DPYSL2: variants seen among roughly 807,000 people sequenced by gnomAD.
DPYSL2 encodes dihydropyrimidinase-related protein 2.
Under a neutral mutation model 69.9 loss-of-function variants are expected in DPYSL2, and 13 were observed. The observed-to-expected ratio is 0.19, with a 90% CI of 0.12 to 0.30. The LOEUF (loss-of-function observed/expected upper bound fraction) is 0.30, where lower values mean the gene tolerates loss of function less well. Among genes scored for constraint, DPYSL2 ranks in the 10% least tolerant of loss-of-function variants. DPYSL2 has a pLI of 1.00. For synonymous variants in DPYSL2, 326 were observed against 359.1 expected (o/e 0.91, Z 1.04); for missense variants, 587 against 918.9 (o/e 0.64, Z 4.67).
Position 26,627,727 on chromosome 8 carries a change from C to T in DPYSL2, c.937-145C>T. 1 of 788,264 alleles carries T rather than the reference C, an allele frequency of 1.3e-6. No individual in the cohort carries two copies. The highest frequency in any genetic ancestry group is 2.1e-6 in the Non-Finnish European group (1 of 480,602). The allele number at this position is 788,264 out of a possible 1,614,324, so 48.8% of individuals were successfully genotyped here. ...TGGGAACAGGGCAGTGAACCCTTCT[C>T]TTCATGAGGTCTTGGGATGAGGGCA... is the stretch of plus-strand genomic sequence containing the variant. On this transcript the variant is annotated intron_variant, in intron 6 of 13. Transcript: ENST00000521913. This position sits in a 1 kb window ranked among gnomAD's most constrained non-coding sequence, Gnocchi z 6.9.
chr8:26,608,318 G>A (rs1802152638), intron 3 of DPYSL2, among the ~76,000 whole-genome samples: 1 of 152,094 alleles, frequency 6.6e-6, no homozygotes, highest in African/African-American at 2.4e-5. Context: ...GACTTTTTTT[G>A]GATGATTGGA....
rs1808284335 is a variant in DPYSL2, at chr8:26,516,166, AG to A, written c.354+1490del. The stretch of plus-strand genomic sequence containing the variant: ...CCCTGCCCTCTAATTTATTCATATA[AG>A]GGAGTGTCTCATATCCATATTTCAC... On this transcript the variant is annotated intron_variant, in intron 1 of 13. Coordinates refer to ENST00000521913, the MANE Select transcript of DPYSL2 (RefSeq NM_001197293.3). This position sits in a 1 kb window ranked among gnomAD's most constrained non-coding sequence, Gnocchi z 4.8. Among the ~76,000 whole-genome samples, 1 of 152,258 alleles carries A rather than the reference AG, an allele frequency of 6.6e-6. No individual in the cohort carries two copies. Among genetic ancestry groups the A allele is most frequent in the East Asian group, 1.9e-4 (1 of 5,202 alleles).
chr8:26,626,765 G>A lies in DPYSL2; in HGVS notation c.855+87G>A. On this transcript the variant is annotated intron_variant, in intron 5 of 13. Coordinates refer to ENST00000521913, the MANE Select transcript of DPYSL2 (RefSeq NM_001197293.3). This position sits in a 1 kb window ranked among gnomAD's most constrained non-coding sequence, Gnocchi z 4.3. ...TTTGGGAAAGCAGTCTCCGATGTAT[G>A]CATGTTTCCTAGCTTCCTGGGAAGT... 1 of 1,364,664 alleles carries A rather than the reference G, an allele frequency of 7.3e-7. No individual in the cohort carries two copies. Among genetic ancestry groups the A allele is most frequent in the Non-Finnish European group, 1.0e-6 (1 of 968,032 alleles). 84.5% of individuals were successfully genotyped at this position (1,364,664 alleles called of 1,614,324 possible). A position where few individuals can be genotyped will look rare whatever the true frequency, so the allele number is the denominator to read the frequency against.
At chr8:26,589,060 T>G (rs1182291697) in intron 3 of DPYSL2, among the ~76,000 whole-genome samples, 2 of 152,212 alleles carry the variant, frequency 1.3e-5, no homozygotes, top group East Asian at 1.9e-4. Context: ...TGCCGCCTTC[T>G]TCCTCTGAAG....
At position 26,533,755 on chromosome 8, in the gene DPYSL2, G is replaced by A. The variant is rs1800547906; in HGVS notation, c.354+19076G>A. Among the ~76,000 whole-genome samples, 1 of 152,264 alleles carries A rather than the reference G, an allele frequency of 6.6e-6. No homozygotes were observed. Among genetic ancestry groups the A allele is most frequent in the Non-Finnish European group, 1.5e-5 (1 of 68,048 alleles). ...GCTGTCAAATGTTCTCAGGTGAAGA[G>A]GTTGAGAGGACTCCTGGAGATCCCA... is the stretch of plus-strand genomic sequence containing the variant. On this transcript the variant is annotated intron_variant, in intron 1 of 13. Coordinates refer to ENST00000521913, the MANE Select transcript of DPYSL2 (RefSeq NM_001197293.3). The surrounding 1 kb of genome is among the most constrained non-coding windows in gnomAD (Gnocchi z 4.8).
At chr8:26,625,068 G>A (rs1419613706) in intron 4 of DPYSL2, among the ~76,000 whole-genome samples, 1 of 152,164 alleles carries the variant, frequency 6.6e-6, no homozygotes, top group African/African-American at 2.4e-5. Context: ...ACCATGTGCT[G>A]TGAGTGACAT....
chr8:26,624,370 G>A lies in DPYSL2; in HGVS notation c.793+63G>A, dbSNP rs1003515900. The A allele has an allele frequency of 1.2e-5, 19 of 1,566,182 alleles. No individual in the cohort carries two copies. Among genetic ancestry groups the A allele is most frequent in the African/African-American group, 2.7e-5 (2 of 73,910 alleles). The stretch of plus-strand genomic sequence containing the variant: ...CCGCTTCAGTCCATCAACTGGCACA[G>A]CCCTGGGAAGAAAGTGATAATGCTT... On this transcript the variant is annotated intron_variant, in intron 4 of 13. Transcript: ENST00000521913. This position sits in a 1 kb window ranked among gnomAD's most constrained non-coding sequence, Gnocchi z 4.7.
rs934924271 is a variant in DPYSL2 at position 26,627,262 on chromosome 8, A to G, written c.903A>G (p.Gln301=). The G allele has an allele frequency of 6.2e-7, 1 of 1,614,246 alleles. No homozygotes were observed. The highest frequency in any genetic ancestry group is 8.5e-7 in the Non-Finnish European group (1 of 1,180,042). The change falls in exon 6 of 14, where the codon CAA becomes CAG. Residue 301 remains glutamine, a synonymous_variant. Coordinates refer to ENST00000521913, the MANE Select transcript of DPYSL2 (RefSeq NM_001197293.3). The surrounding 1 kb of genome is among the most constrained non-coding windows in gnomAD (Gnocchi z 6.9). ...TCCGGGATATTGGCGCCATAGCCCA[A>G]GTCCACGCAGAAAATGGCGACATCA... ...SVIRDIGAIA[Q]VHAENGDIIA...
chr8:26,639,555 A>G (rs148618714), intron 8 of DPYSL2, among the ~76,000 whole-genome samples: 1 of 152,366 alleles, frequency 6.6e-6, no homozygotes, highest in Non-Finnish European at 1.5e-5. Context: ...ATAAGGGCAG[A>G]CATAGAAACT....
intron 3 of DPYSL2, among the ~76,000 whole-genome samples, chr8:26,618,823 T>C (rs886662165): frequency 6.7e-5 from 10 of 148,808 alleles, no homozygotes; most frequent in African/African-American, 2.0e-4. Context: ...CCGGGCATGA[T>C]GGCGCGCGCC....
Position 26,653,141 on chromosome 8 carries a change from T to C in DPYSL2, c.1777-91T>C, listed in dbSNP as rs1803311983. On this transcript the variant is annotated intron_variant, in intron 12 of 13. Coordinates refer to ENST00000521913, the MANE Select transcript of DPYSL2 (RefSeq NM_001197293.3). The surrounding 1 kb of genome is among the most constrained non-coding windows in gnomAD (Gnocchi z 5.7). ...GTAAGGAGAGCCCTCCATCCCTAGA[T>C]CTCACAGGCCCATCCTCCCTCCAGG... 6.8e-6 allele frequency: 10 copies of C among 1,461,306 alleles called. No individual in the cohort carries two copies. The highest frequency in any genetic ancestry group is 9.3e-6 in the Non-Finnish European group (10 of 1,078,250). The allele number at this position is 1,461,306 out of a possible 1,614,324, so 90.5% of individuals were successfully genotyped here.
chr8:26,514,354 C>T lies in DPYSL2; in HGVS notation c.29C>T (p.Ala10Val), dbSNP rs1260358141. 8 of 1,479,644 alleles carry T rather than the reference C, an allele frequency of 5.4e-6. No homozygotes were observed. The highest frequency in any genetic ancestry group is 1.4e-5 in the African/African-American group (1 of 69,828). 91.7% of individuals were successfully genotyped at this position (1,479,644 alleles called of 1,614,324 possible). MAERKQSGK[A>V]AEDEEVPAFF... ...GCCGAGAGAAAGCAATCCGGGAAGG[C>T]GGCAGAGGACGAAGAGGTCCCTGCT... The change falls in exon 1 of 14, where the codon GCG (alanine) becomes GTG (valine). Residue 10 changes from alanine to valine, a missense_variant. Ala to Val is a moderately conservative substitution (Grantham distance 64, BLOSUM62 0). This residue lies in a region of DPYSL2 where 50 missense variants were observed against 86.8 expected (regional missense o/e 0.58). Transcript: ENST00000521913. The surrounding 1 kb of genome is among the most constrained non-coding windows in gnomAD (Gnocchi z 8.4).
At chr8:26,577,824 A>G in intron 1 of DPYSL2, 2 of 1,001,004 alleles carry the variant, frequency 2.0e-6, no homozygotes, top group South Asian at 8.3e-5. Context: ...CTAAATTTGC[A>G]TATCCCAGGA....
intron 1 of DPYSL2, among the ~76,000 whole-genome samples, chr8:26,529,724 C>T (rs1385930562): frequency 7.6e-6 from 1 of 131,106 alleles, no homozygotes; most frequent in Non-Finnish European, 1.6e-5. Flanking sequence ...AAATTTTAAC[C>T]GTAATTTTTT....
At chr8:26,528,685 A>AG (rs199969331) in intron 1 of DPYSL2, among the ~76,000 whole-genome samples, 4,128 of 152,074 alleles carry the variant, frequency 0.027, 87 homozygotes, top group South Asian at 0.042. Flanking sequence ...AAGAAAAAAA[A>AG]GAAAGAAATA....
rs115586784 is a variant in DPYSL2 at position 26,619,278 on chromosome 8, A to C, written c.629-4865A>C. 6.6e-6 allele frequency among the ~76,000 whole-genome samples: 1 copy of C among 152,208 alleles called. No homozygotes were observed. The highest frequency in any genetic ancestry group is 1.5e-5 in the Non-Finnish European group (1 of 68,028). ...GAGCAGCTCTTCCCAGGAGAGCTTCAGTGGAAAGAAAACTGTGGGAAAACA... is the reference window on the plus strand; with the variant it reads ...GAGCAGCTCTTCCCAGGAGAGCTTCCGTGGAAAGAAAACTGTGGGAAAACA... On this transcript the variant is annotated intron_variant, in intron 3 of 13. Coordinates refer to ENST00000521913, the MANE Select transcript of DPYSL2 (RefSeq NM_001197293.3). The surrounding 1 kb of genome is among the most constrained non-coding windows in gnomAD (Gnocchi z 4.8).
At position 26,564,089 on chromosome 8, in the gene DPYSL2, T is replaced by C; in HGVS notation, c.355-17880T>C. On this transcript the variant is annotated intron_variant, in intron 1 of 13. Transcript: ENST00000521913. This position sits in a 1 kb window ranked among gnomAD's most constrained non-coding sequence, Gnocchi z 4.8. ...GCATCACAGAAGCGAGGGAGGGGAA[T>C]TTGGAAGAAAAAAGGTAGAGGCAAT... Among the ~76,000 whole-genome samples the C allele has an allele frequency of 6.6e-6, 1 of 151,710 alleles. No individual in the cohort carries two copies. The highest frequency in any genetic ancestry group is 1.9e-4 in the East Asian group (1 of 5,174).
At chr8:26,636,245 G>T (rs1255919244) in intron 8 of DPYSL2, among the ~76,000 whole-genome samples, 1 of 152,210 alleles carries the variant, frequency 6.6e-6, no homozygotes, top group South Asian at 2.1e-4. Flanking sequence ...TGTGGATGAC[G>T]ATGGAATCGG....
Position 26,652,107 on chromosome 8 carries a change from G to T in DPYSL2, c.1597-150G>T, listed in dbSNP as rs55685919. 10,109 of 575,978 alleles carry T rather than the reference G, an allele frequency of 0.018. 552 individuals are homozygous for T. Among genetic ancestry groups the T allele is most frequent in the Admixed American group, 0.16 (4,389 of 27,324 alleles). The allele number at this position is 575,978 out of a possible 1,614,324, so 35.7% of individuals were successfully genotyped here. ...AGACAGGGAAATGGAGACACAGCAA[G>T]TAAGTGCCTGCTGGGGTGCCCAGTT... On this transcript the variant is annotated intron_variant, in intron 11 of 13. Transcript: ENST00000521913. This position sits in a 1 kb window ranked among gnomAD's most constrained non-coding sequence, Gnocchi z 6.3.
Sources: gnomAD v4.1 joint callset for allele counts (sites outside exome capture counted in the v4.1 genomes callset) on GRCh38, gnomAD v4.1.1 for gene constraint, gnomAD v4.1.1 regional missense constraint, Gnocchi (gnomAD v3.1) non-coding constraint, MANE v1.5 for transcripts, NCBI Gene and HGNC (gene_info 2026-07-23, HGNC 2026-07-21) for gene names.